The following PLCB4 variants were observed in gnomAD, a reference collection of about 807,000 sequenced individuals.
PLCB4 encodes the protein 1-phosphatidylinositol 4,5-bisphosphate phosphodiesterase beta-4.
PLCB4 carries 77 observed loss-of-function variants against 178.8 expected under a neutral mutation model. That is an observed-to-expected ratio of 0.43 (90% CI 0.36 to 0.52). The LOEUF is 0.52. PLCB4 is among the 20% of genes least tolerant of loss of function. The pLI, the probability that PLCB4 is intolerant of heterozygous loss-of-function variation, is 0.00. For synonymous variants in PLCB4, 496 were observed against 490.8 expected (o/e 1.01, Z -0.14); for missense variants, 1,024 against 1,453.4 (o/e 0.70, Z 4.80).
Position 9,329,184 on chromosome 20 carries a change from C to T in PLCB4, c.85-7942C>T, listed in dbSNP as rs546781366. ...TGGCTTCCAGGTAGCCTTCTCTTGG[C>T]GCAGCTGCCAGCATTCACCTGTACA... On this transcript the variant is annotated intron_variant, in intron 4 of 39. Transcript: ENST00000378473. 3.9e-5 allele frequency among the ~76,000 whole-genome samples: 6 copies of T among 152,298 alleles called. No homozygotes were observed. The East Asian group carries it at 5.8e-4, about 15-fold the overall frequency.
chr20:9,091,392 C>T (rs772591869), intron 1 of PLCB4, among the ~76,000 whole-genome samples: 17 of 151,884 alleles, frequency 1.1e-4, no homozygotes, highest in Non-Finnish European at 1.5e-5. Flanking sequence ...ATGTTTTTGG[C>T]CATAGACTGA....
intron 9 of PLCB4, among the ~76,000 whole-genome samples, chr20:9,370,633 C>T (rs34830664): frequency 2.0e-5 from 3 of 152,016 alleles, no homozygotes; most frequent in Non-Finnish European, 2.9e-5. Context: ...CCAGGCCAGG[C>T]GCTGTGGCTC....
At chr20:9,077,142 G>A (rs986732561) in intron 1 of PLCB4, among the ~76,000 whole-genome samples, 4 of 152,152 alleles carry the variant, frequency 2.6e-5, no homozygotes, top group Admixed American at 2.6e-4. Context: ...ATGTCAATAT[G>A]TTAGTTATCT....
At chr20:9,285,362 G>GA (rs1407874275) in intron 3 of PLCB4, among the ~76,000 whole-genome samples, 2 of 151,832 alleles carry the variant, frequency 1.3e-5, no homozygotes, top group East Asian at 3.9e-4. Flanking sequence ...TTTAGTCAAA[G>GA]AAAAAATTAA....
intron 2 of PLCB4, among the ~76,000 whole-genome samples, chr20:9,163,029 G>A (rs955550824): frequency 3.3e-5 from 5 of 152,222 alleles, no homozygotes; most frequent in African/African-American, 9.6e-5. Context: ...CTGAACCTGG[G>A]GATGGGAATA....
chr20:9,408,082 T>A, intron 22 of PLCB4, 24 bp downstream of exon 22: 1 of 1,583,096 alleles, frequency 6.3e-7, no homozygotes, highest in Non-Finnish European at 8.6e-7. Context: ...TTAAATGCAG[T>A]CGCCTTTTTT....
chr20:9,140,994 G>T (rs572549150), intron 2 of PLCB4, among the ~76,000 whole-genome samples: 1 of 152,194 alleles, frequency 6.6e-6, no homozygotes, highest in East Asian at 1.9e-4. Flanking sequence ...GGGGACTGCC[G>T]CTCATCCCCA....
intron 3 of PLCB4, among the ~76,000 whole-genome samples, chr20:9,282,772 C>T (rs2094505032): frequency 6.6e-6 from 1 of 152,032 alleles, no homozygotes; most frequent in African/African-American, 2.4e-5. Flanking sequence ...GCTGGCTTGG[C>T]TCAGGTTGGA....
Position 9,393,694 on chromosome 20 carries a change from A to T in PLCB4, c.1414+16A>T, listed in dbSNP as rs34305936. The T allele has an allele frequency of 0.064, 94,210 of 1,480,100 alleles. 3,318 individuals are homozygous for T. The highest frequency in any genetic ancestry group is 0.082 in the Middle Eastern group (475 of 5,802). The allele number at this position is 1,480,100 out of a possible 1,614,324, so 91.7% of individuals were successfully genotyped here. ...GTTGAAAAAAGTAAGTGAAACACAC[A>T]CATTTATAATGGAAGCATACATAAC... On this transcript the variant is annotated intron_variant, in intron 18 of 39. Coordinates refer to ENST00000378473, the MANE Select transcript of PLCB4 (RefSeq NM_001377142.1).
intron 17 of PLCB4, among the ~76,000 whole-genome samples, chr20:9,392,091 C>G (rs897315280): frequency 1.3e-5 from 2 of 152,200 alleles, no homozygotes; most frequent in African/African-American, 4.8e-5. Context: ...ATTTATCTTT[C>G]TGATTAGGTT....
At chr20:9,323,318 C>A (rs537982069) in intron 4 of PLCB4, among the ~76,000 whole-genome samples, 2 of 152,324 alleles carry the variant, frequency 1.3e-5, no homozygotes, top group South Asian at 4.1e-4. Flanking sequence ...ACACAGGCTC[C>A]TGACCCTTCT....
At chr20:9,236,064 C>T (rs967760331) in intron 3 of PLCB4, among the ~76,000 whole-genome samples, 4 of 152,150 alleles carry the variant, frequency 2.6e-5, no homozygotes, top group Admixed American at 6.5e-5. Context: ...TCCCAATATG[C>T]GGGATCCCCC....
chr20:9,372,168 G>A (rs938901977), intron 10 of PLCB4, 135 bp from the exon 11 acceptor site: 13 of 586,328 alleles, frequency 2.2e-5, no homozygotes, highest in Non-Finnish European at 4.0e-5. Context: ...TTGGCCTCCT[G>A]GCTTCTGTCA....
chr20:9,342,450 C>T (rs1419832926), intron 7 of PLCB4, among the ~76,000 whole-genome samples: 1 of 152,054 alleles, frequency 6.6e-6, no homozygotes, highest in Non-Finnish European at 1.5e-5. Flanking sequence ...CTTACTTAGC[C>T]CATGCAATGA....
intron 9 of PLCB4, among the ~76,000 whole-genome samples, chr20:9,370,639 G>A (rs1386149495): frequency 6.6e-6 from 1 of 152,100 alleles, no homozygotes; most frequent in Non-Finnish European, 1.5e-5. Flanking sequence ...CAGGCGCTGT[G>A]GCTCATGCCT....
Position 9,425,559 on chromosome 20 carries a change from A to C in PLCB4, c.2524+1607A>C, listed in dbSNP as rs141888749. ...GTAAGCATAGGGAGATCTGTGCTGC[A>C]GAAACATCTGTATTTACAATGTAGC... On this transcript the variant is annotated intron_variant, in intron 28 of 39. Transcript: ENST00000378473. 9.5e-3 allele frequency among the ~76,000 whole-genome samples: 1,444 copies of C among 152,390 alleles called. 8 individuals are homozygous for C. The highest frequency in any genetic ancestry group is 0.034 in the Middle Eastern group (10 of 294).
chr20:9,088,844 A>T (rs748691378), intron 1 of PLCB4, among the ~76,000 whole-genome samples: 9 of 152,042 alleles, frequency 5.9e-5, no homozygotes, highest in Non-Finnish European at 1.3e-4. Flanking sequence ...TATATTCATA[A>T]ATGTATATAT....
At chr20:9,074,791 C>G (rs367705713) in intron 1 of PLCB4, among the ~76,000 whole-genome samples, 2 of 64,450 alleles carry the variant, frequency 3.1e-5, no homozygotes, top group South Asian at 1.1e-3. Context: ...CCCAGCTAGG[C>G]TTTTTTTTTT....
intron 2 of PLCB4, among the ~76,000 whole-genome samples, chr20:9,182,459 G>A (rs537514272): frequency 8.5e-5 from 13 of 152,186 alleles, no homozygotes; most frequent in Admixed American, 2.6e-4. Flanking sequence ...CTCAATCATC[G>A]CTAGGCCTAA....
Sources: allele counts gnomAD v4.1 joint callset (sites outside exome capture counted in the v4.1 genomes callset), GRCh38; gene constraint gnomAD v4.1.1; transcripts MANE v1.5; gene names NCBI Gene and HGNC (gene_info 2026-07-23, HGNC 2026-07-21).